Variants in EPN1 observed in about 807,000 individuals in gnomAD.
EPN1 encodes the protein epsin-1.
In EPN1, 25 loss-of-function variants were observed where a neutral mutation model predicts 56.9. That is an observed-to-expected ratio of 0.44 (90% CI 0.32 to 0.61). EPN1 has a LOEUF of 0.61. Ranked by LOEUF, EPN1 falls within the 20% of genes least tolerant of loss-of-function variation. The probability of loss-of-function intolerance (pLI) is 0.05; values close to 1 mark genes in which losing one functional copy is unlikely to be tolerated. For synonymous variants in EPN1, 411 were observed against 361.8 expected, an observed-to-expected ratio of 1.14 and a Z score of -1.54; for missense variants, 785 against 823.7, an observed-to-expected ratio of 0.95 and a Z score of 0.58.
At chr19:55,680,891 C>G (rs2122168953) in intron 2 of EPN1, 1 of 152,586 alleles carries the variant, frequency 6.6e-6, no homozygotes, top group Middle Eastern at 3.4e-3. Flanking sequence ...AGGGCGAGTC[C>G]TCTTGCTTCT....
chr19:55,681,129 C>A (rs547134550), intron 2 of EPN1, among the ~76,000 whole-genome samples: 1 of 152,130 alleles, frequency 6.6e-6, no homozygotes, highest in Non-Finnish European at 1.5e-5. Context: ...TTATTGTCCC[C>A]GTGGAGAAGG....
At position 55,678,917 on chromosome 19, in the gene EPN1, G is replaced by A. The variant is rs73936318; in HGVS notation, c.228+62G>A. ...GGCTCAGGTGGGAGGACAGGAGCCC[G>A]TGTTGTGCACCCTGCCTGGGATGGC... On this transcript the variant is annotated intron_variant, in intron 2 of 10. Coordinates refer to ENST00000270460, the MANE Select transcript of EPN1 (RefSeq NM_001130072.2). 4.9e-4 allele frequency: 584 copies of A among 1,191,410 alleles called. 1 individual carries two copies. The African/African-American group carries it at 7.6e-3, about 16-fold the overall frequency. The allele number at this position is 1,191,410 out of a possible 1,614,324, so 73.8% of individuals were successfully genotyped here.
In EPN1 at chr19:55,694,992, G is replaced by T; in HGVS notation, c.1522+9G>T. 1 of 1,558,046 alleles carries T rather than the reference G, an allele frequency of 6.4e-7. No homozygotes were observed. Among genetic ancestry groups the T allele is most frequent in the East Asian group, 2.4e-5 (1 of 41,528 alleles). On this transcript the variant is annotated intron_variant, in intron 10 of 10. Coordinates refer to ENST00000270460, the MANE Select transcript of EPN1 (RefSeq NM_001130072.2). This position sits in a 1 kb window ranked among gnomAD's most constrained non-coding sequence, Gnocchi z 4.2. Reference sequence around the variant, plus strand: ...CCCCTTCCTGCCAGGCGGTGAGTGTGGGCCCATCACCTGCTCAAGTCCTTC... The same window carrying T: ...CCCCTTCCTGCCAGGCGGTGAGTGTTGGCCCATCACCTGCTCAAGTCCTTC...
At position 55,689,978 on chromosome 19, in the gene EPN1, G is replaced by A. The variant is rs1986430157; in HGVS notation, c.762+28G>A. On this transcript the variant is annotated intron_variant, in intron 6 of 10. Coordinates refer to ENST00000270460, the MANE Select transcript of EPN1 (RefSeq NM_001130072.2). The surrounding 1 kb of genome is among the most constrained non-coding windows in gnomAD (Gnocchi z 5.7). ...GAGCGGGGCTTGTTCTGCCCTCCCT[G>A]GCCCCTGCAGGTGTCCGTCCGTCCC... 13 of 1,561,582 alleles carry A rather than the reference G, an allele frequency of 8.3e-6. No individual in the cohort carries two copies. Among genetic ancestry groups the A allele is most frequent in the Non-Finnish European group, 1.1e-5 (13 of 1,150,784 alleles).
At chr19:55,681,632 C>T (rs944809285) in intron 2 of EPN1, among the ~76,000 whole-genome samples, 1 of 152,172 alleles carries the variant, frequency 6.6e-6, no homozygotes, top group Non-Finnish European at 1.5e-5. Context: ...TCATCTGGCT[C>T]CTTACAGAAA....
rs140580135 is a variant in EPN1 at position 55,690,399 on chromosome 19, A to G, written c.762+449A>G. Among the ~76,000 whole-genome samples the G allele has an allele frequency of 1.9e-3, 291 of 152,332 alleles. 2 individuals are homozygous for G. The highest frequency in any genetic ancestry group is 6.8e-3 in the African/African-American group (284 of 41,568). The stretch of plus-strand genomic sequence containing the variant: ...GAGGCATGGTCCCGCCCTCGCGAAC[A>G]CTGTTTCTGTGGCGTCCCCATGCTC... On this transcript the variant is annotated intron_variant, in intron 6 of 10. Coordinates refer to ENST00000270460, the MANE Select transcript of EPN1 (RefSeq NM_001130072.2).
chr19:55,690,702 C>T (rs148863303), intron 6 of EPN1, among the ~76,000 whole-genome samples: 1 of 152,326 alleles, frequency 6.6e-6, no homozygotes, highest in Non-Finnish European at 1.5e-5. Context: ...CCTCGTCAGC[C>T]TGTGCACTGC....
chr19:55,685,295 GC>G, intron 2 of EPN1, 100 bp from the exon 3 acceptor site: 2 of 1,456,056 alleles, frequency 1.4e-6, no homozygotes, highest in Admixed American at 4.1e-5. Flanking sequence ...TGGGTTGTGG[GC>G]CTTGCGCCCA....
Position 55,706,030 on chromosome 19 carries a change from T to G in EPN1, c.*10674T>G, listed in dbSNP as rs1390664626. On this transcript the variant is annotated 3_prime_UTR_variant, in exon 11 of 11. Coordinates refer to ENST00000270460, the MANE Select transcript of EPN1 (RefSeq NM_001130072.2). ...CATAGCAGTTACAAAGAAGGCCTTATTATCTGGAAGAAAAGGGACCATAGA... is the reference window on the plus strand; with the variant it reads ...CATAGCAGTTACAAAGAAGGCCTTAGTATCTGGAAGAAAAGGGACCATAGA... 5.4e-6 allele frequency: 1 copy of G among 186,642 alleles called. No homozygotes were observed. Among genetic ancestry groups the G allele is most frequent in the Non-Finnish European group, 1.1e-5 (1 of 89,922 alleles). 11.6% of individuals were successfully genotyped at this position (186,642 alleles called of 1,614,324 possible). A position where few individuals can be genotyped will look rare whatever the true frequency, so the allele number is the denominator to read the frequency against.
Position 55,709,048 on chromosome 19 carries a change from G to T in EPN1, c.*13692G>T. ...ATCAAAGCCAGATTTGTGCAGCCTG[G>T]GAAAATAGAAATAAAGTTTTTTTTT... On this transcript the variant is annotated 3_prime_UTR_variant, in exon 11 of 11. Transcript: ENST00000270460. The T allele has an allele frequency of 6.4e-7, 1 of 1,555,012 alleles. No homozygotes were observed. The highest frequency in any genetic ancestry group is 2.4e-5 in the East Asian group (1 of 42,026).
At chr19:55,677,118 A>C in intron 1 of EPN1, 1 of 1,550,922 alleles carries the variant, frequency 6.4e-7, no homozygotes, top group Non-Finnish European at 8.7e-7. Flanking sequence ...CCCTGGGCTT[A>C]CATCATGGCG....
At chr19:55,692,898 G>T (rs1019601329) in intron 8 of EPN1, 53 bp from the exon 9 acceptor site, 2 of 1,603,468 alleles carry the variant, frequency 1.2e-6, no homozygotes, top group African/African-American at 2.7e-5. Flanking sequence ...CTGGAGGTGG[G>T]GGCTGAGGCG....
Position 55,707,871 on chromosome 19 carries a change from C to T in EPN1, c.*12515C>T, listed in dbSNP as rs1987505439. On this transcript the variant is annotated 3_prime_UTR_variant, in exon 11 of 11. Coordinates refer to ENST00000270460, the MANE Select transcript of EPN1 (RefSeq NM_001130072.2). ...ACTCGTGTTTACAGGTCTTAAAGTCCTGACCTGGTGATCCGCCCGCGTGGA... is the reference window on the plus strand; with the variant it reads ...ACTCGTGTTTACAGGTCTTAAAGTCTTGACCTGGTGATCCGCCCGCGTGGA... 6.5e-6 allele frequency: 1 copy of T among 154,376 alleles called. No individual in the cohort carries two copies. Among genetic ancestry groups the T allele is most frequent in the Admixed American group, 6.5e-5 (1 of 15,298 alleles). 9.6% of individuals were successfully genotyped at this position (154,376 alleles called of 1,614,324 possible).
intron 2 of EPN1, among the ~76,000 whole-genome samples, chr19:55,679,916 A>C (rs928328225): frequency 2.6e-5 from 4 of 152,002 alleles, no homozygotes; most frequent in African/African-American, 9.7e-5. Flanking sequence ...GGAGGCAACG[A>C]GGAGGGATGG....
chr19:55,679,180 C>A (rs1211224156), intron 2 of EPN1, among the ~76,000 whole-genome samples: 1 of 152,174 alleles, frequency 6.6e-6, no homozygotes, highest in Non-Finnish European at 1.5e-5. Flanking sequence ...CGCTCTGGGC[C>A]CCATCTATGA....
In EPN1 at chr19:55,694,782, A is replaced by G. The variant is rs756748731; in HGVS notation, c.1321A>G (p.Met441Val). ...VPARSPGAFD[M>V]SGVRGSLAEA... ...GGCCCGAAGCCCTGGGGCGTTTGACATGAGTGGGGTCAGGGGATCTCTGGC... is the reference window on the plus strand; with the variant it reads ...GGCCCGAAGCCCTGGGGCGTTTGACGTGAGTGGGGTCAGGGGATCTCTGGC... Residue 441 changes from methionine (M) to valine (V), a missense_variant, in exon 10 of 11, where the codon ATG becomes GTG. Met to Val is a conservative substitution (Grantham distance 21, BLOSUM62 1). This residue lies in a region of EPN1 where 650 missense variants were observed against 605.0 expected (regional missense o/e 1.07). Transcript: ENST00000270460. The surrounding 1 kb of genome is among the most constrained non-coding windows in gnomAD (Gnocchi z 4.2). The G allele has an allele frequency of 3.1e-6, 5 of 1,607,904 alleles. No individual in the cohort carries two copies. Among genetic ancestry groups the G allele is most frequent in the Non-Finnish European group, 3.4e-6 (4 of 1,176,342 alleles).
intron 2 of EPN1, among the ~76,000 whole-genome samples, chr19:55,682,876 C>T (rs1985910499): frequency 6.6e-6 from 1 of 152,146 alleles, no homozygotes; most frequent in East Asian, 1.9e-4. Context: ...CCTGCCTTAG[C>T]CTCCCGAGTA....
rs766540802 is a variant in EPN1, at chr19:55,708,872, G to C, written c.*13516G>C. On this transcript the variant is annotated 3_prime_UTR_variant, in exon 11 of 11. Transcript: ENST00000270460. ...CAGGTGAAGGTCCCACTGTGGCCAA[G>C]GAAAGCCTTTGTGAGACGACTACTT... 1.4e-6 allele frequency: 2 copies of C among 1,472,134 alleles called. No individual in the cohort carries two copies. The highest frequency in any genetic ancestry group is 1.8e-6 in the Non-Finnish European group (2 of 1,109,056). 91.2% of individuals were successfully genotyped at this position (1,472,134 alleles called of 1,614,324 possible).
intron 2 of EPN1, among the ~76,000 whole-genome samples, chr19:55,685,069 G>C (rs920047813): frequency 1.3e-5 from 2 of 152,162 alleles, no homozygotes; most frequent in Admixed American, 1.3e-4. Context: ...TCCACCCCTG[G>C]CAACCCACAA....
Sources: allele counts gnomAD v4.1 joint callset (sites outside exome capture counted in the v4.1 genomes callset), GRCh38; gene constraint gnomAD v4.1.1; regional missense constraint gnomAD v4.1.1; non-coding constraint Gnocchi (gnomAD v3.1); transcripts MANE v1.5; gene names NCBI Gene and HGNC (gene_info 2026-07-23, HGNC 2026-07-21).